ANO1: variants seen among roughly 807,000 people sequenced by gnomAD.
The protein encoded by ANO1 is anoctamin-1.
A neutral mutation model predicts 124.0 loss-of-function variants in ANO1; 59 were observed. The observed-to-expected ratio is 0.48, with a 90% CI of 0.39 to 0.59. The LOEUF (loss-of-function observed/expected upper bound fraction) is 0.59. Ranked by LOEUF, ANO1 falls within the 20% of genes least tolerant of loss-of-function variation. The pLI, the probability that ANO1 is intolerant of heterozygous loss-of-function variation, is 0.00. For synonymous variants in ANO1, 529 were observed against 532.0 expected, an observed-to-expected ratio of 0.99 and a Z score of 0.08; for missense variants, 1,059 against 1,328.0, an observed-to-expected ratio of 0.80 and a Z score of 3.15.
chr11:70,075,913 G>C (rs553162738), upstream of ANO1, among the ~76,000 whole-genome samples: 18 of 152,120 alleles, frequency 1.2e-4, no homozygotes, highest in African/African-American at 4.3e-4. Flanking sequence ...TTCTTTTCCC[G>C]CTCCTATTTT....
At chr11:70,077,976 C>A (rs1341850256), upstream of ANO1, among the ~76,000 whole-genome samples, 1 of 151,914 alleles carries the variant, frequency 6.6e-6, no homozygotes, top group African/African-American at 2.4e-5. Flanking sequence ...CAGGAGTTTG[C>A]CAGGGTGGAG....
At chr11:70,093,605 C>T (rs943995680) in intron 2 of ANO1, among the ~76,000 whole-genome samples, 2 of 152,290 alleles carry the variant, frequency 1.3e-5, no homozygotes, top group Middle Eastern at 3.4e-3. Context: ...CTGAGAAGGC[C>T]GTGGACATTG....
chr11:70,127,339 C>T (rs990358431), intron 10 of ANO1, among the ~76,000 whole-genome samples: 14 of 152,172 alleles, frequency 9.2e-5, no homozygotes, highest in African/African-American at 2.9e-4. Context: ...TGCACGGCCC[C>T]GAGAAATTCT....
chr11:70,151,641 G>A (rs2047606109), intron 12 of ANO1, among the ~76,000 whole-genome samples: 1 of 152,110 alleles, frequency 6.6e-6, no homozygotes, highest in Non-Finnish European at 1.5e-5. Context: ...GGTGATAACC[G>A]AAGTCACTGG....
At chr11:70,146,440 G>A (rs528190553) in intron 11 of ANO1, among the ~76,000 whole-genome samples, 14 of 152,326 alleles carry the variant, frequency 9.2e-5, no homozygotes, top group Non-Finnish European at 1.6e-4. Context: ...GAGCCGGAGC[G>A]GTAGTGGGGT....
intron 1 of ANO1, among the ~76,000 whole-genome samples, chr11:70,071,812 A>G (rs1555009340): frequency 6.6e-6 from 1 of 151,418 alleles, no homozygotes; most frequent in African/African-American, 2.4e-5. Context: ...TTTTTTAGAA[A>G]TGGGATCTGA....
chr11:70,170,784 G>A (rs2048432570), intron 21 of ANO1, 103 bp from the exon 22 acceptor site: 2 of 1,429,318 alleles, frequency 1.4e-6, no homozygotes, highest in African/African-American at 1.4e-5. Flanking sequence ...GTTGGAGGTG[G>A]GGCGGCAGCC....
At chr11:69,982,532 C>G (rs1406081669), upstream of ANO1, among the ~76,000 whole-genome samples, 1 of 152,214 alleles carries the variant, frequency 6.6e-6, no homozygotes, top group African/African-American at 2.4e-5. Context: ...AATAATAATG[C>G]CCTCTAATCC....
At chr11:69,968,280 G>T in the ANO1 span, among the ~76,000 whole-genome samples, 1 of 152,092 alleles carries the variant, frequency 6.6e-6, no homozygotes, top group Non-Finnish European at 1.5e-5. Context: ...GGTGGTGGGT[G>T]GGGAGCTGCC....
chr11:70,012,552 A>G (rs1856618348), intron 1 of ANO1, among the ~76,000 whole-genome samples: 1 of 124,864 alleles, frequency 8.0e-6, no homozygotes, highest in Non-Finnish European at 1.7e-5. Context: ...CTATCCATCC[A>G]TTGTTGTATC....
At chr11:69,993,984 C>G (rs1856207554) in intron 1 of ANO1, among the ~76,000 whole-genome samples, 1 of 152,002 alleles carries the variant, frequency 6.6e-6, no homozygotes, top group South Asian at 2.1e-4. Flanking sequence ...CGCATCTGCC[C>G]CACATTCATT....
intron 11 of ANO1, among the ~76,000 whole-genome samples, chr11:70,139,660 G>A (rs1458691503): frequency 6.6e-6 from 1 of 152,068 alleles, no homozygotes; most frequent in Non-Finnish European, 1.5e-5. Flanking sequence ...ACCATTGATG[G>A]GCATCTTTGT....
At chr11:70,117,822 G>T (rs921590663) in intron 8 of ANO1, among the ~76,000 whole-genome samples, 2 of 152,124 alleles carry the variant, frequency 1.3e-5, no homozygotes, top group Admixed American at 6.6e-5. Context: ...TCCCCCACAG[G>T]CCCCCATACA....
chr11:70,106,444 G>A (rs1250054554), intron 5 of ANO1, among the ~76,000 whole-genome samples: 3 of 152,240 alleles, frequency 2.0e-5, no homozygotes, highest in African/African-American at 7.2e-5. Flanking sequence ...GCCGGGCAGA[G>A]ACAGAGGGCT....
intron 20 of ANO1, among the ~76,000 whole-genome samples, chr11:70,166,374 G>C (rs148280147): frequency 1.2e-4 from 19 of 152,146 alleles, no homozygotes; most frequent in Non-Finnish European, 1.8e-4. Context: ...CATTTTGGAC[G>C]AAGGAGGGAG....
intron 1 of ANO1, chr11:70,015,171 A>T (rs1384618889): frequency 6.6e-6 from 1 of 152,068 alleles, no homozygotes; most frequent in Non-Finnish European, 1.5e-5. Flanking sequence ...TCATGGAGCC[A>T]TTTTGGGCGT....
chr11:70,117,086 T>C (rs952123341), intron 8 of ANO1, among the ~76,000 whole-genome samples: 2 of 136,560 alleles, frequency 1.5e-5, no homozygotes, highest in Non-Finnish European at 3.1e-5. Context: ...TTATTCTTTT[T>C]TCTTTGTTTC....
chr11:69,986,401 G>GA (rs1418457149), intron 1 of ANO1, among the ~76,000 whole-genome samples: 1 of 121,220 alleles, frequency 8.2e-6, no homozygotes, highest in Non-Finnish European at 2.0e-5. Context: ...CAGACAAACA[G>GA]ACGACAGACA....
At chr11:69,976,867 G>A in the ANO1 span, among the ~76,000 whole-genome samples, 3,812 of 152,316 alleles carry the variant, frequency 0.025, 157 homozygotes, top group African/African-American at 0.086. Context: ...GAATATCAGG[G>A]GCTTGAAATG....
Sources: allele counts gnomAD v4.1 joint callset (sites outside exome capture counted in the v4.1 genomes callset), GRCh38; gene constraint gnomAD v4.1.1; transcripts MANE v1.5; gene names NCBI Gene and HGNC (gene_info 2026-07-23, HGNC 2026-07-21).